The following BCAS3 variants were observed in gnomAD, a reference collection of about 807,000 sequenced individuals.
BCAS3 encodes the protein BCAS3 microtubule associated cell migration factor.
A neutral mutation model predicts 116.1 loss-of-function variants in BCAS3; 53 were observed. The ratio of observed to expected loss-of-function variants is 0.46; its 90% CI spans 0.37 to 0.57. The LOEUF (loss-of-function observed/expected upper bound fraction) is 0.57. Ranked by LOEUF, BCAS3 falls within the 20% of genes least tolerant of loss-of-function variation. The pLI is 0.00. For missense variants in BCAS3, 917 were observed against 1,165.4 expected (o/e 0.79, Z 3.10); for synonymous variants, 391 against 408.2 (o/e 0.96, Z 0.51).
rs1599666854 is a variant in BCAS3, at chr17:60,917,157, C to T, written c.993+6455C>T. On this transcript the variant is annotated intron_variant, in intron 12 of 23. Transcript: ENST00000407086. Reference sequence around the variant, plus strand: ...GTGGATAAATAAAATGTGGTATATGCAAACAATATAATATTATTTAACAAT... The same window carrying T: ...GTGGATAAATAAAATGTGGTATATGTAAACAATATAATATTATTTAACAAT... Among the ~76,000 whole-genome samples, 3 of 152,116 alleles carry T rather than the reference C, an allele frequency of 2.0e-5. No homozygotes were observed. In the South Asian group the frequency reaches 6.2e-4, roughly 32 times the overall value.
At chr17:61,269,324 AG>A (rs2050034409) in intron 22 of BCAS3, among the ~76,000 whole-genome samples, 1 of 152,016 alleles carries the variant, frequency 6.6e-6, no homozygotes, top group Non-Finnish European at 1.5e-5. Flanking sequence ...CATGTTGGTC[AG>A]GCTGGTCTCG....
chr17:60,895,336 A>G (rs1396271493), intron 10 of BCAS3, among the ~76,000 whole-genome samples: 1 of 151,774 alleles, frequency 6.6e-6, no homozygotes, highest in African/African-American at 2.4e-5. Flanking sequence ...GGTTTTTCAG[A>G]TTTTCAGTGT....
chr17:61,119,826 A>G (rs977486878), intron 22 of BCAS3, among the ~76,000 whole-genome samples: 16 of 152,110 alleles, frequency 1.1e-4, no homozygotes, highest in Non-Finnish European at 2.2e-4. Context: ...AAACATTCAT[A>G]CTATTTCTAT....
intron 14 of BCAS3, among the ~76,000 whole-genome samples, chr17:60,975,674 G>A (rs2062296131): frequency 6.6e-6 from 1 of 152,080 alleles, no homozygotes; most frequent in Non-Finnish European, 1.5e-5. Context: ...AATGAACCTT[G>A]TACCTATCCA....
intron 14 of BCAS3, among the ~76,000 whole-genome samples, chr17:60,973,872 G>A (rs112903625): frequency 3.9e-5 from 6 of 152,034 alleles, no homozygotes; most frequent in African/African-American, 1.2e-4. Context: ...GATTATAGGC[G>A]TGAGCCACCA....
chr17:61,156,718 A>G lies in BCAS3; in HGVS notation c.2425+72154A>G, dbSNP rs1358975122. ...TTGGAATCCTAATTGGCACATAACA[A>G]TAATTGTTTCTATCCTGCTATAAAC... On this transcript the variant is annotated intron_variant, in intron 22 of 23. Transcript: ENST00000407086. The surrounding 1 kb of genome is among the most constrained non-coding windows in gnomAD (Gnocchi z 4.7). Among the ~76,000 whole-genome samples the G allele has an allele frequency of 1.3e-5, 2 of 152,208 alleles. No individual in the cohort carries two copies. Among genetic ancestry groups the G allele is most frequent in the Non-Finnish European group, 2.9e-5 (2 of 68,030 alleles).
intron 22 of BCAS3, among the ~76,000 whole-genome samples, chr17:61,129,396 T>C (rs1294307920): frequency 6.6e-6 from 1 of 152,244 alleles, no homozygotes; most frequent in Non-Finnish European, 1.5e-5. Context: ...CTAACCACCT[T>C]TTTATAGCTC....
At chr17:61,299,404 T>C (rs943828242) in intron 22 of BCAS3, among the ~76,000 whole-genome samples, 28 of 132,394 alleles carry the variant, frequency 2.1e-4, no homozygotes, top group Middle Eastern at 4.8e-3. Context: ...GGTTGCACCA[T>C]TGCACTCCAG....
At chr17:61,031,347 T>G (rs1343586421) in intron 16 of BCAS3, among the ~76,000 whole-genome samples, 2 of 152,058 alleles carry the variant, frequency 1.3e-5, no homozygotes, top group Non-Finnish European at 2.9e-5. Flanking sequence ...GATAGAAATA[T>G]TCTAGGTCAT....
intron 22 of BCAS3, among the ~76,000 whole-genome samples, chr17:61,242,267 ACTCTGT>A (rs2047588359): frequency 8.1e-6 from 1 of 124,118 alleles, no homozygotes; most frequent in Admixed American, 9.5e-5. Flanking sequence ...CAAATGTGAA[ACTCTGT>A]CTCAAAAAAA....
At chr17:60,905,964 C>T (rs148632334) in intron 11 of BCAS3, among the ~76,000 whole-genome samples, 281 of 152,258 alleles carry the variant, frequency 1.8e-3, no homozygotes, top group Middle Eastern at 3.4e-3. Context: ...TGCCATGTTG[C>T]CTGCACATGT....
intron 7 of BCAS3, among the ~76,000 whole-genome samples, chr17:60,812,687 A>G (rs2048948441): frequency 6.6e-6 from 1 of 152,142 alleles, no homozygotes; most frequent in Non-Finnish European, 1.5e-5. Flanking sequence ...ACATACATAC[A>G]TACATACATA....
In BCAS3 at chr17:61,198,577, G is replaced by A. The variant is rs1014856589; in HGVS notation, c.2425+114013G>A. Among the ~76,000 whole-genome samples the A allele has an allele frequency of 8.5e-5, 13 of 152,170 alleles. No homozygotes were observed. The highest frequency in any genetic ancestry group is 3.1e-4 in the African/African-American group (13 of 41,448). ...ATAGATCAGTTAAGTTTTGCAAGAA[G>A]GTGAAAGTAGACAAACATGTTTTTG... On this transcript the variant is annotated intron_variant, in intron 22 of 23. Transcript: ENST00000407086. This position sits in a 1 kb window ranked among gnomAD's most constrained non-coding sequence, Gnocchi z 5.0.
At chr17:60,871,746 G>T (rs1374011064) in intron 8 of BCAS3, among the ~76,000 whole-genome samples, 2 of 151,912 alleles carry the variant, frequency 1.3e-5, no homozygotes, top group Non-Finnish European at 2.9e-5. Flanking sequence ...CACCCTAGGG[G>T]TAATTATCTA....
At chr17:60,725,675 TATAATATAC>T (rs1277546559) in intron 5 of BCAS3, among the ~76,000 whole-genome samples, 1 of 152,188 alleles carries the variant, frequency 6.6e-6, no homozygotes, top group Admixed American at 6.5e-5. Flanking sequence ...CTACACATCC[TATAATATAC>T]AGGACAGACT....
rs1168341156 is a variant in BCAS3, at chr17:61,068,380, C to G, written c.2030-6540C>G. Among the ~76,000 whole-genome samples, 4 of 152,092 alleles carry G rather than the reference C, an allele frequency of 2.6e-5. No individual in the cohort carries two copies. Among genetic ancestry groups the G allele is most frequent in the Admixed American group, 2.0e-4 (3 of 15,276 alleles). On this transcript the variant is annotated intron_variant, in intron 19 of 23. Transcript: ENST00000407086. This position sits in a 1 kb window ranked among gnomAD's most constrained non-coding sequence, Gnocchi z 4.3. ...GTAAGGGATTTGGGGACATTTTGTC[C>G]TAATTGTCACCACTGACATGTCCCA...
At chr17:61,297,801 A>G (rs1379435116) in intron 22 of BCAS3, among the ~76,000 whole-genome samples, 1 of 152,228 alleles carries the variant, frequency 6.6e-6, no homozygotes, top group Admixed American at 6.5e-5. Context: ...CTATGCTCTC[A>G]ACGGTATTTT....
intron 5 of BCAS3, among the ~76,000 whole-genome samples, chr17:60,722,797 G>C (rs1257448153): frequency 6.6e-6 from 1 of 151,742 alleles, no homozygotes; most frequent in Admixed American, 6.6e-5. Context: ...GCTGGGCACA[G>C]TGGCTCATGC....
rs1429156594 is a variant in BCAS3 at position 60,799,735 on chromosome 17, T to TTTTTTA, written c.404-8269_404-8268insTTTTTA. Among the ~76,000 whole-genome samples the TTTTTTA allele has an allele frequency of 1.3e-3, 134 of 100,554 alleles. 3 individuals are homozygous for TTTTTTA. Among genetic ancestry groups the TTTTTTA allele is most frequent in the Middle Eastern group, 5.4e-3 (1 of 186 alleles). The allele number at this position is 100,554 out of a possible 152,430, so 66.0% of individuals were successfully genotyped here. On this transcript the variant is annotated intron_variant, in intron 6 of 23. Transcript: ENST00000407086. ...TTTTTTTTTTTTTTTTTTTTTTTTT[T>TTTTTTA]AGTAGAACTGGGGTTTCACCATGTT...
Sources: gnomAD v4.1 joint callset for allele counts (sites outside exome capture counted in the v4.1 genomes callset) on GRCh38, gnomAD v4.1.1 for gene constraint, Gnocchi (gnomAD v3.1) non-coding constraint, MANE v1.5 for transcripts, NCBI Gene and HGNC (gene_info 2026-07-23, HGNC 2026-07-21) for gene names.